Variants in KCNMA1 observed in about 807,000 individuals in gnomAD.
The protein encoded by KCNMA1 is Calcium-activated potassium channel subunit alpha-1.
Under a neutral mutation model 140.0 loss-of-function variants are expected in KCNMA1, and 29 were observed. The observed-to-expected ratio is 0.21, with a 90% confidence interval of 0.15 to 0.28. The LOEUF (loss-of-function observed/expected upper bound fraction) is 0.28. Among genes scored for constraint, KCNMA1 ranks in the 10% least tolerant of loss-of-function variants. The pLI, the probability that KCNMA1 is intolerant of heterozygous loss-of-function variation, is 1.00. For synonymous variants in KCNMA1, 612 were observed against 611.9 expected, an observed-to-expected ratio of 1.00 and a Z score of 0.00; for missense variants, 880 against 1,602.2, an observed-to-expected ratio of 0.55 and a Z score of 7.70.
At chr10:77,277,773 AGT>A (rs1418920402) in intron 2 of KCNMA1, among the ~76,000 whole-genome samples, 3 of 152,192 alleles carry the variant, frequency 2.0e-5, no homozygotes, top group Non-Finnish European at 1.5e-5. Flanking sequence ...TAACCTCCTA[AGT>A]GGTCTCCCTG....
rs1249780214 is a variant in KCNMA1 at position 77,110,466 on chromosome 10, G to A, written c.961-123C>T. On this transcript the variant is annotated intron_variant, in intron 7 of 27. Coordinates refer to ENST00000286628, the MANE Select transcript of KCNMA1 (RefSeq NM_001161352.2). ...CTACTGCACACCACTCTCCACACGA[G>A]ATGTGTGGTTCCCGGGCTGAGTTCT... 5 of 840,118 alleles carry A rather than the reference G, an allele frequency of 6.0e-6. No individual in the cohort carries two copies. The East Asian group carries it at 1.2e-4, about 20-fold the overall frequency. 52.0% of individuals were successfully genotyped at this position (840,118 alleles called of 1,614,324 possible).
intron 17 of KCNMA1, chr10:77,012,494 A>G: frequency 6.5e-7 from 1 of 1,550,334 alleles, no homozygotes; most frequent in South Asian, 1.2e-5. Flanking sequence ...AAATAAAAAT[A>G]TCAAGCTTGT....
intron 2 of KCNMA1, among the ~76,000 whole-genome samples, chr10:77,369,365 A>G (rs1157486440): frequency 1.4e-4 from 21 of 152,190 alleles, no homozygotes; most frequent in Admixed American, 1.4e-3. Context: ...AGAATCTCTG[A>G]AGGGGGACCT....
At chr10:76,954,984 G>A (rs2067653571) in intron 20 of KCNMA1, among the ~76,000 whole-genome samples, 1 of 152,120 alleles carries the variant, frequency 6.6e-6, no homozygotes, top group Non-Finnish European at 1.5e-5. Flanking sequence ...CTCGGGTTTG[G>A]GAAGTCATTG....
intron 2 of KCNMA1, among the ~76,000 whole-genome samples, chr10:77,264,015 C>T (rs2062729209): frequency 6.6e-6 from 1 of 152,174 alleles, no homozygotes. Context: ...AGACAAACTA[C>T]CCTTCCCGAA....
At chr10:76,899,491 T>C (rs781232603) in intron 25 of KCNMA1, among the ~76,000 whole-genome samples, 17 of 152,146 alleles carry the variant, frequency 1.1e-4, no homozygotes, top group Non-Finnish European at 2.5e-4. Context: ...TGCTCTGCCA[T>C]CCATTACTTT....
At chr10:77,499,117 T>C (rs1193475646) in intron 1 of KCNMA1, 7 of 152,204 alleles carry the variant, frequency 4.6e-5, no homozygotes, top group African/African-American at 1.7e-4. Flanking sequence ...TAATTGAACT[T>C]GGAGAAACCA....
intron 19 of KCNMA1, among the ~76,000 whole-genome samples, chr10:76,986,731 T>C (rs1247128296): frequency 6.6e-6 from 1 of 152,196 alleles, no homozygotes; most frequent in African/African-American, 2.4e-5. Flanking sequence ...TTATTTGGGA[T>C]AAATTCAAAT....
intron 14 of KCNMA1, among the ~76,000 whole-genome samples, chr10:77,052,305 T>C (rs1458469486): frequency 6.6e-6 from 1 of 152,130 alleles, no homozygotes; most frequent in African/African-American, 2.4e-5. Flanking sequence ...TGGGTAGATA[T>C]GATGATAAGG....
intron 1 of KCNMA1, among the ~76,000 whole-genome samples, chr10:77,568,163 G>A (rs2154560309): frequency 6.6e-6 from 1 of 152,280 alleles, no homozygotes; most frequent in Non-Finnish European, 1.5e-5. Flanking sequence ...GTACAAGGAG[G>A]AACTGGTACC....
chr10:77,028,023 C>A (rs1254288320), intron 15 of KCNMA1, 132 bp from the exon 16 acceptor site: 3 of 817,788 alleles, frequency 3.7e-6, no homozygotes, highest in African/African-American at 1.7e-5. Context: ...CGGCACTGTG[C>A]CAAAGGGAGG....
intron 1 of KCNMA1, among the ~76,000 whole-genome samples, chr10:77,424,958 G>A (rs1794773625): frequency 6.6e-6 from 1 of 152,214 alleles, no homozygotes; most frequent in South Asian, 2.1e-4. Context: ...GGAAGGAGAG[G>A]CAGCATGCAA....
chr10:77,170,496 CA>C (rs1467863191), intron 5 of KCNMA1, among the ~76,000 whole-genome samples: 3,005 of 62,444 alleles, frequency 0.048, 54 homozygotes, highest in East Asian at 0.22. Context: ...GGGAGAAGGT[CA>C]GAGGTGAGGC....
chr10:76,930,023 C>T (rs1038381582), intron 23 of KCNMA1: 4 of 152,142 alleles, frequency 2.6e-5, no homozygotes, highest in African/African-American at 9.7e-5. Flanking sequence ...AACCGTAAAA[C>T]TCCTAGGAGA....
intron 2 of KCNMA1, among the ~76,000 whole-genome samples, chr10:77,335,225 G>T (rs1034188710): frequency 1.3e-5 from 2 of 152,164 alleles, no homozygotes. Flanking sequence ...GGTGTCCCAA[G>T]ATGAAAACAA....
At chr10:77,064,746 G>A (rs1455112233) in intron 14 of KCNMA1, among the ~76,000 whole-genome samples, 2 of 152,186 alleles carry the variant, frequency 1.3e-5, no homozygotes, top group Non-Finnish European at 2.9e-5. Context: ...GGTGAAAAGC[G>A]GGTACACAGT....
chr10:77,198,862 C>T (rs773719499), intron 3 of KCNMA1, among the ~76,000 whole-genome samples: 5 of 152,070 alleles, frequency 3.3e-5, no homozygotes, highest in Non-Finnish European at 5.9e-5. Flanking sequence ...GAGCAAGCCC[C>T]GTGCTTATAA....
At chr10:76,918,084 G>GC (rs931756987) in intron 23 of KCNMA1, among the ~76,000 whole-genome samples, 1 of 152,150 alleles carries the variant, frequency 6.6e-6, no homozygotes, top group African/African-American at 2.4e-5. Flanking sequence ...ATTGCTTGCA[G>GC]CCATGACTAT....
In KCNMA1 at chr10:77,076,036, G is replaced by A. The variant is rs1176635607; in HGVS notation, c.1594-2784C>T. Among the ~76,000 whole-genome samples, 3 of 152,124 alleles carry A rather than the reference G, an allele frequency of 2.0e-5. 1 individual carries two copies. The South Asian group carries it at 6.2e-4, about 32-fold the overall frequency. ...GAAGGAACTGGAAATACGCTGTCCT[G>A]GAAAACCAGGAGAGATGGATTTCAG... is the stretch of plus-strand genomic sequence containing the variant. On this transcript the variant is annotated intron_variant, in intron 13 of 27. Transcript: ENST00000286628.
Sources: allele counts gnomAD v4.1 joint callset (sites outside exome capture counted in the v4.1 genomes callset), GRCh38; gene constraint gnomAD v4.1.1; transcripts MANE v1.5; gene names NCBI Gene and HGNC (gene_info 2026-07-23, HGNC 2026-07-21).